The following SPARC variants were observed in gnomAD, a reference collection of about 807,000 sequenced individuals.
SPARC encodes secreted protein acidic and cysteine rich, also known as basement-membrane protein 40.
Under a neutral mutation model 37.7 loss-of-function variants are expected in SPARC, and 23 were observed. The observed-to-expected ratio is 0.61, with a 90% CI of 0.44 to 0.87. SPARC has a LOEUF of 0.87. SPARC is among the 40% of genes least tolerant of loss of function. SPARC has a pLI of 0.00. For missense variants in SPARC, 312 were observed against 389.0 expected, an observed-to-expected ratio of 0.80 and a Z score of 1.66; for synonymous variants, 155 against 150.8, an observed-to-expected ratio of 1.03 and a Z score of -0.20.
chr5:151,675,440 C>G (rs1760834627), intron 2 of SPARC, among the ~76,000 whole-genome samples: 1 of 152,214 alleles, frequency 6.6e-6, no homozygotes, highest in Non-Finnish European at 1.5e-5. Flanking sequence ...GGGCCCCACT[C>G]TCACCTGGCC....
At chr5:151,682,914 G>C (rs2113120886) in intron 1 of SPARC, among the ~76,000 whole-genome samples, 2 of 152,322 alleles carry the variant, frequency 1.3e-5, no homozygotes, top group Middle Eastern at 3.4e-3. Context: ...TGTTGTCTAT[G>C]TTCATGTTTT....
intron 5 of SPARC, 82 bp from the exon 6 acceptor site, chr5:151,669,866 G>A: frequency 1.3e-6 from 2 of 1,549,734 alleles, no homozygotes; most frequent in Non-Finnish European, 1.8e-6. Flanking sequence ...TTTCAGAGAT[G>A]GGGACACTGA....
At chr5:151,683,778 G>A (rs1013073548) in intron 1 of SPARC, among the ~76,000 whole-genome samples, 1 of 152,188 alleles carries the variant, frequency 6.6e-6, no homozygotes, top group Non-Finnish European at 1.5e-5. Flanking sequence ...TATATTCCTG[G>A]AACTTGTCTG....
intron 2 of SPARC, 93 bp downstream of exon 2, chr5:151,676,039 T>C (rs936989774): frequency 9.8e-7 from 1 of 1,021,232 alleles, no homozygotes; most frequent in Non-Finnish European, 1.5e-6. Flanking sequence ...GGGAAGTCCC[T>C]GTTCCCTTTC....
intron 4 of SPARC, chr5:151,671,929 G>T: frequency 4.0e-6 from 2 of 497,964 alleles, no homozygotes; most frequent in Non-Finnish European, 7.0e-6. Context: ...GGCACTTCTG[G>T]GGGGCTGGAG....
chr5:151,685,428 A>T lies in SPARC; in HGVS notation c.-14+1437T>A, dbSNP rs569162496. ...CTCTCTCTCCCTCTCTCTCTCACAC[A>T]CACACACACACACACACACACACAC... On this transcript the variant is annotated intron_variant, in intron 1 of 9. Coordinates refer to ENST00000231061, the MANE Select transcript of SPARC (RefSeq NM_003118.4). Among the ~76,000 whole-genome samples, 997 of 148,704 alleles carry T rather than the reference A, an allele frequency of 6.7e-3. 5 individuals carry two copies. The highest frequency in any genetic ancestry group is 0.017 in the Middle Eastern group (5 of 288).
intron 9 of SPARC, 78 bp from the exon 10 acceptor site, chr5:151,663,677 C>A: frequency 1.4e-6 from 2 of 1,430,196 alleles, no homozygotes; most frequent in Non-Finnish European, 9.8e-7. Context: ...TCAGTGGACT[C>A]CCACCCATCC....
intron 4 of SPARC, among the ~76,000 whole-genome samples, chr5:151,672,446 C>G (rs1760768125): frequency 6.6e-6 from 1 of 152,130 alleles, no homozygotes; most frequent in Admixed American, 6.5e-5. Context: ...TTCATCAGCC[C>G]CATATGAGAG....
At position 151,674,548 on chromosome 5, in the gene SPARC, T is replaced by A. The variant is rs878934767; in HGVS notation, c.120+64A>T. 55 of 1,511,232 alleles carry A rather than the reference T, an allele frequency of 3.6e-5. No homozygotes were observed. The South Asian group carries it at 6.0e-4, about 16-fold the overall frequency. 93.6% of individuals were successfully genotyped at this position (1,511,232 alleles called of 1,614,324 possible). A position where few individuals can be genotyped will look rare whatever the true frequency, so the allele number is the denominator to read the frequency against. On this transcript the variant is annotated intron_variant, in intron 3 of 9. Coordinates refer to ENST00000231061, the MANE Select transcript of SPARC (RefSeq NM_003118.4). ...GCATTGAGACCCACAGCATCCGCCC[T>A]AATTTCTCAGGGCACAGATACAGGT...
At chr5:151,682,724 C>A (rs994006903) in intron 1 of SPARC, among the ~76,000 whole-genome samples, 9 of 152,214 alleles carry the variant, frequency 5.9e-5, no homozygotes, top group Non-Finnish European at 8.8e-5. Context: ...GGTCACACGG[C>A]AAGCTGGTGT....
intron 3 of SPARC, 32 bp from the exon 4 acceptor site, chr5:151,673,248 G>C: frequency 6.9e-7 from 1 of 1,442,984 alleles, no homozygotes; most frequent in East Asian, 2.3e-5. Flanking sequence ...GGGTGAAATG[G>C]CCCCACTCCC....
chr5:151,663,474 CCAGG>C lies in SPARC; in HGVS notation c.*93_*96del. The C allele has an allele frequency of 8.2e-7, 1 of 1,220,394 alleles. No individual in the cohort carries two copies. The highest frequency in any genetic ancestry group is 2.3e-5 in the East Asian group (1 of 42,634). 75.6% of individuals were successfully genotyped at this position (1,220,394 alleles called of 1,614,324 possible). ...TTAAATCTATGTTAGCACCTTGTCT[CCAGG>C]CAGAACAACAAACCATCCAAACATT... On this transcript the variant is annotated 3_prime_UTR_variant, in exon 10 of 10. Transcript: ENST00000231061.
chr5:151,661,412 C>T lies in SPARC; in HGVS notation c.*2159G>A, dbSNP rs1760499307. The T allele has an allele frequency of 6.6e-6, 1 of 152,192 alleles. No individual in the cohort carries two copies. Among genetic ancestry groups the T allele is most frequent in the African/African-American group, 2.4e-5 (1 of 41,432 alleles). 9.4% of individuals were successfully genotyped at this position (152,192 alleles called of 1,614,324 possible). ...TGGGCCAATCTCTCCTACTGCTCGCCCTCCCACTGTGTAGAAGAGAACACC... is the reference window on the plus strand; with the variant it reads ...TGGGCCAATCTCTCCTACTGCTCGCTCTCCCACTGTGTAGAAGAGAACACC... On this transcript the variant is annotated 3_prime_UTR_variant, in exon 10 of 10. Coordinates refer to ENST00000231061, the MANE Select transcript of SPARC (RefSeq NM_003118.4).
intron 1 of SPARC, among the ~76,000 whole-genome samples, chr5:151,679,952 G>A (rs987639623): frequency 1.3e-5 from 2 of 152,118 alleles, no homozygotes; most frequent in Non-Finnish European, 2.9e-5. Context: ...AGAACTTATG[G>A]AGTAATGCAA....
Position 151,662,045 on chromosome 5 carries a change from A to G in SPARC, c.*1526T>C, listed in dbSNP as rs1424744530. 6.6e-6 allele frequency: 1 copy of G among 152,520 alleles called. No homozygotes were observed. The highest frequency in any genetic ancestry group is 1.5e-5 in the Non-Finnish European group (1 of 68,036). The allele number at this position is 152,520 out of a possible 1,614,324, so 9.4% of individuals were successfully genotyped here. On this transcript the variant is annotated 3_prime_UTR_variant, in exon 10 of 10. Transcript: ENST00000231061. Reference sequence around the variant, plus strand: ...CTCCAAATGAACAAATGCTTTGTCTACTTTGCCATAACTGTGTCCCCAGTG... The same window carrying G: ...CTCCAAATGAACAAATGCTTTGTCTGCTTTGCCATAACTGTGTCCCCAGTG...
At chr5:151,664,497 A>G (rs1760583143) in intron 8 of SPARC, among the ~76,000 whole-genome samples, 1 of 152,192 alleles carries the variant, frequency 6.6e-6, no homozygotes, top group South Asian at 2.1e-4. Flanking sequence ...CGGCCCTTCC[A>G]GCTCTAAGGT....
In SPARC at chr5:151,664,096, T is replaced by C; in HGVS notation, c.874A>G (p.Ile292Val). The change falls in exon 9 of 10, where the codon ATC (isoleucine) becomes GTC (valine). Residue 292 changes from isoleucine (I) to valine (V), a missense_variant. Physicochemically the swap from Ile to Val is conservative, Grantham distance 29. Transcript: ENST00000231061. ...TTGTTCAGACACTCACTCTGCTTGATGCCGAAGCAGCCGGCCCACTCATCC... is the reference window on the plus strand; with the variant it reads ...TTGTTCAGACACTCACTCTGCTTGACGCCGAAGCAGCCGGCCCACTCATCC... ...ALDEWAGCFG[I>V]KQKDIDKDLV... 6.2e-7 allele frequency: 1 copy of C among 1,614,170 alleles called. No homozygotes were observed. Among genetic ancestry groups the C allele is most frequent in the Non-Finnish European group, 8.5e-7 (1 of 1,180,038 alleles).
intron 4 of SPARC, 150 bp downstream of exon 4, chr5:151,672,979 G>A: frequency 1.5e-6 from 1 of 664,772 alleles, no homozygotes; most frequent in Admixed American, 2.2e-5. Flanking sequence ...TTTCCCACTT[G>A]TTAAGTCAAA....
chr5:151,663,751 G>T, intron 9 of SPARC, 152 bp from the exon 10 acceptor site: 1 of 738,652 alleles, frequency 1.4e-6, no homozygotes, highest in Non-Finnish European at 2.3e-6. Flanking sequence ...GAGGAATCTC[G>T]CTCTCTCTGT....
Sources: gnomAD v4.1 joint callset for allele counts (sites outside exome capture counted in the v4.1 genomes callset) on GRCh38, gnomAD v4.1.1 for gene constraint, MANE v1.5 for transcripts, NCBI Gene and HGNC (gene_info 2026-07-23, HGNC 2026-07-21) for gene names.